The following FSHR variants were observed in gnomAD, a reference collection of about 807,000 sequenced individuals.
The protein encoded by FSHR is follicle-stimulating hormone receptor.
FSHR carries 46 observed loss-of-function variants against 52.1 expected under a neutral mutation model. The ratio of observed to expected loss-of-function variants is 0.88; its 90% confidence interval spans 0.70 to 1.13. The LOEUF is 1.13. Among genes scored for constraint, FSHR ranks in the 50% most tolerant of loss-of-function variants. The pLI is 0.00. For synonymous variants in FSHR, 399 were observed against 309.6 expected, an observed-to-expected ratio of 1.29 and a Z score of -3.03; for missense variants, 964 against 834.6, an observed-to-expected ratio of 1.16 and a Z score of -1.91.
At position 49,045,770 on chromosome 2, in the gene FSHR, C is replaced by T. The variant is rs568506642; in HGVS notation, c.224+22449G>A. ...TCCGCTTCTAAAACATCCTTTTTTT[C>T]CCCAGTGCCAAGTGCTCAACGCTGA... is the stretch of plus-strand genomic sequence containing the variant. On this transcript the variant is annotated intron_variant, in intron 2 of 9. Coordinates refer to ENST00000406846, the MANE Select transcript of FSHR (RefSeq NM_000145.4). 2.6e-5 allele frequency among the ~76,000 whole-genome samples: 4 copies of T among 152,088 alleles called. No individual in the cohort carries two copies. In the East Asian group the frequency reaches 5.8e-4, roughly 22 times the overall value.
intron 2 of FSHR, among the ~76,000 whole-genome samples, chr2:49,025,385 G>A (rs1283305814): frequency 1.3e-5 from 2 of 152,032 alleles, no homozygotes; most frequent in Non-Finnish European, 2.9e-5. Context: ...TGTATTTGAT[G>A]GGGCACATTT....
chr2:49,110,369 A>T (rs764208054), intron 1 of FSHR, among the ~76,000 whole-genome samples: 12 of 152,114 alleles, frequency 7.9e-5, no homozygotes, highest in Admixed American at 6.6e-4. Context: ...TCTTTTAACT[A>T]CTTAATATAC....
intron 2 of FSHR, among the ~76,000 whole-genome samples, chr2:49,036,542 A>G (rs1668278649): frequency 1.3e-5 from 2 of 152,110 alleles, no homozygotes; most frequent in African/African-American, 4.8e-5. Flanking sequence ...TACATAGGGC[A>G]CAGTCAGGGC....
At chr2:49,082,092 T>G (rs1283132659) in intron 1 of FSHR, among the ~76,000 whole-genome samples, 1 of 152,118 alleles carries the variant, frequency 6.6e-6, no homozygotes, top group Non-Finnish European at 1.5e-5. Flanking sequence ...AGATGGGTGA[T>G]TTCTGCATTT....
intron 8 of FSHR, among the ~76,000 whole-genome samples, chr2:48,980,168 A>T (rs1296262299): frequency 3.3e-5 from 5 of 152,172 alleles, no homozygotes; most frequent in African/African-American, 1.2e-4. Context: ...CCCCAGGGGG[A>T]AAAGAGGAAA....
intron 2 of FSHR, among the ~76,000 whole-genome samples, chr2:49,064,812 G>A (rs758540801): frequency 7.2e-5 from 11 of 152,122 alleles, no homozygotes; most frequent in Admixed American, 1.3e-4. Context: ...TAAATGTGCT[G>A]TTAATATTAT....
intron 1 of FSHR, among the ~76,000 whole-genome samples, chr2:49,071,440 A>G (rs369329157): frequency 6.6e-6 from 1 of 152,190 alleles, no homozygotes; most frequent in Non-Finnish European, 1.5e-5. Flanking sequence ...AATCATTCAA[A>G]TGTGAGGATA....
intron 1 of FSHR, among the ~76,000 whole-genome samples, chr2:49,138,614 T>C (rs1672567646): frequency 6.8e-6 from 1 of 147,846 alleles, no homozygotes; most frequent in Admixed American, 6.8e-5. Context: ...GACTTCATAT[T>C]GTATGATCCC....
chr2:49,060,600 C>G (rs1435200865), intron 2 of FSHR, among the ~76,000 whole-genome samples: 1 of 152,142 alleles, frequency 6.6e-6, no homozygotes, highest in Non-Finnish European at 1.5e-5. Context: ...CCTGGGAAGT[C>G]AATGCCCTGG....
At chr2:49,051,072 C>G (rs948605215) in intron 2 of FSHR, among the ~76,000 whole-genome samples, 1 of 151,994 alleles carries the variant, frequency 6.6e-6, no homozygotes, top group African/African-American at 2.4e-5. Context: ...GCAGTGTATT[C>G]TTTTTTATTA....
intron 1 of FSHR, among the ~76,000 whole-genome samples, chr2:49,124,529 C>G (rs1156819301): frequency 6.6e-6 from 1 of 152,110 alleles, no homozygotes; most frequent in African/African-American, 2.4e-5. Context: ...GTTCTTTTCT[C>G]AACCTGGGAA....
intron 4 of FSHR, among the ~76,000 whole-genome samples, chr2:49,002,286 C>CA (rs1666922980): frequency 6.6e-6 from 1 of 152,108 alleles, no homozygotes; most frequent in East Asian, 1.9e-4. Flanking sequence ...AAAATGTTCC[C>CA]ACACCCAGTT....
rs540809225 is a variant in FSHR at position 49,108,272 on chromosome 2, G to T, written c.153-39982C>A. Among the ~76,000 whole-genome samples, 90 of 152,108 alleles carry T rather than the reference G, an allele frequency of 5.9e-4. 1 individual carries two copies. Among genetic ancestry groups the T allele is most frequent in the African/African-American group, 2.1e-3 (89 of 41,494 alleles). On this transcript the variant is annotated intron_variant, in intron 1 of 9. Transcript: ENST00000406846. ...TGGAACTGCACTACTGGCTTTCCTG[G>T]GTCTCCAGCTGGCAGATTGTAGATT...
At chr2:49,065,704 C>T (rs1266937093) in intron 2 of FSHR, among the ~76,000 whole-genome samples, 1 of 151,926 alleles carries the variant, frequency 6.6e-6, no homozygotes, top group East Asian at 1.9e-4. Context: ...TTTAGGAACC[C>T]TGGTAATAAG....
At chr2:49,106,551 G>C (rs1237324777) in intron 1 of FSHR, among the ~76,000 whole-genome samples, 1 of 152,140 alleles carries the variant, frequency 6.6e-6, no homozygotes, top group African/African-American at 2.4e-5. Context: ...CGAGAAGAAA[G>C]ACATATTTTA....
chr2:49,134,709 T>C (rs1333412139), intron 1 of FSHR, among the ~76,000 whole-genome samples: 4 of 152,194 alleles, frequency 2.6e-5, no homozygotes, highest in Non-Finnish European at 4.4e-5. Flanking sequence ...ATGTGACACA[T>C]ATACACCATG....
chr2:49,042,920 C>G (rs1668527348), intron 2 of FSHR, among the ~76,000 whole-genome samples: 1 of 152,156 alleles, frequency 6.6e-6, no homozygotes, highest in Non-Finnish European at 1.5e-5. Context: ...CAGGCACCGT[C>G]TATTTTTTTA....
At chr2:49,147,534 T>C (rs552910977) in intron 1 of FSHR, among the ~76,000 whole-genome samples, 3 of 152,150 alleles carry the variant, frequency 2.0e-5, no homozygotes, top group South Asian at 4.2e-4. Flanking sequence ...GGGGGTTTTA[T>C]CATCACCAAG....
chr2:49,110,589 G>C (rs1290738796), intron 1 of FSHR, among the ~76,000 whole-genome samples: 1 of 152,138 alleles, frequency 6.6e-6, no homozygotes, highest in Non-Finnish European at 1.5e-5. Flanking sequence ...TCAGCCTCTT[G>C]AGGATCAAGG....
Sources: allele counts gnomAD v4.1 joint callset (sites outside exome capture counted in the v4.1 genomes callset), GRCh38; gene constraint gnomAD v4.1.1; transcripts MANE v1.5; gene names NCBI Gene and HGNC (gene_info 2026-07-23, HGNC 2026-07-21).